PCSK1: variants seen among roughly 807,000 people sequenced by gnomAD.
PCSK1 encodes the protein neuroendocrine convertase 1.
In PCSK1, 56 loss-of-function variants were observed where a neutral mutation model predicts 90.6. The observed-to-expected ratio is 0.62, with a 90% CI of 0.50 to 0.77. The LOEUF is 0.77. Among genes scored for constraint, PCSK1 ranks in the 30% least tolerant of loss-of-function variants. The pLI, the probability that PCSK1 is intolerant of heterozygous loss-of-function variation, is 0.00. For missense variants in PCSK1, 801 were observed against 932.6 expected (o/e 0.86, Z 1.84); for synonymous variants, 348 against 342.4 (o/e 1.02, Z -0.18).
chr5:96,399,474 G>A (rs1760276839), intron 10 of PCSK1, among the ~76,000 whole-genome samples: 1 of 152,100 alleles, frequency 6.6e-6, no homozygotes, highest in Non-Finnish European at 1.5e-5. Context: ...GTGCTAGAGG[G>A]AGTCTAAGTA....
chr5:96,409,538 A>C (rs1304421398), intron 8 of PCSK1, among the ~76,000 whole-genome samples: 1 of 152,208 alleles, frequency 6.6e-6, no homozygotes, highest in African/African-American at 2.4e-5. Context: ...TTTCTTAAGG[A>C]GGGAGTTTTA....
chr5:96,407,631 A>G (rs896738679), intron 9 of PCSK1, among the ~76,000 whole-genome samples: 3 of 152,216 alleles, frequency 2.0e-5, no homozygotes, highest in Non-Finnish European at 4.4e-5. Flanking sequence ...GATGACAACT[A>G]ATATTTACTG....
At chr5:96,408,202 T>A in intron 9 of PCSK1, 21 bp downstream of exon 9, 1 of 1,565,756 alleles carries the variant, frequency 6.4e-7, no homozygotes, top group Non-Finnish European at 8.8e-7. Flanking sequence ...TAAAGGTGAT[T>A]AGAAGCTTTC....
chr5:96,422,966 G>A (rs1761174411), intron 4 of PCSK1, among the ~76,000 whole-genome samples: 1 of 150,874 alleles, frequency 6.6e-6, no homozygotes, highest in African/African-American at 2.5e-5. Flanking sequence ...GGGAAACTGT[G>A]ACAATGATCT....
chr5:96,432,017 T>C (rs1761518660), intron 1 of PCSK1: 2 of 1,163,908 alleles, frequency 1.7e-6, no homozygotes, highest in Non-Finnish European at 2.5e-6. Context: ...ACCAGCTACC[T>C]ATCGACCAAG....
chr5:96,432,962 C>T lies in PCSK1; in HGVS notation c.81G>A (p.Ala27=). 1 of 1,614,236 alleles carries T rather than the reference C, an allele frequency of 6.2e-7. No homozygotes were observed. The highest frequency in any genetic ancestry group is 8.5e-7 in the Non-Finnish European group (1 of 1,180,028). The change falls in exon 1 of 14, where the codon GCG becomes GCA. Residue 27 remains alanine (A), a synonymous_variant. Transcript: ENST00000311106. ...CAWCALNSAK[A]KRQFVNEWAA... ...CCCATTCATTGACAAATTGCCTTTT[C>T]GCTTTTGCACTGTTCAGTGCACACC...
At position 96,398,970 on chromosome 5, in the gene PCSK1, A is replaced by G. The variant is rs1580745990; in HGVS notation, c.1497T>C (p.Asn499=). 2 of 1,612,396 alleles carry G rather than the reference A, an allele frequency of 1.2e-6. No homozygotes were observed. ...IPTRACEGQE[N]AIKSLEHVQF... is the part of the protein sequence containing the mutation. ...GTACATGCTCCAGGGACTTGATAGC[A>G]TTTTCTTGTCCTTCACAAGCTCTTG... Residue 499 remains asparagine (N), a synonymous_variant, in exon 11 of 14, where the codon AAT becomes AAC. Coordinates refer to ENST00000311106, the MANE Select transcript of PCSK1 (RefSeq NM_000439.5).
chr5:96,432,009 C>G, intron 1 of PCSK1: 1 of 1,074,926 alleles, frequency 9.3e-7, no homozygotes, highest in Non-Finnish European at 1.4e-6. Context: ...CACCTCCAAC[C>G]AGCTACCTAT....
intron 3 of PCSK1, 92 bp downstream of exon 3, chr5:96,425,727 AT>A (rs1322070721): frequency 2.0e-5 from 13 of 658,976 alleles, no homozygotes; most frequent in African/African-American, 1.5e-4. Context: ...ATTCTCCATC[AT>A]AAAAAAAAAA....
At chr5:96,410,199 C>T (rs1490262250) in intron 8 of PCSK1, among the ~76,000 whole-genome samples, 8 of 152,062 alleles carry the variant, frequency 5.3e-5, no homozygotes, top group South Asian at 2.1e-4. Context: ...GAAGCAAAGG[C>T]GCAGGCAAGC....
chr5:96,405,594 C>T (rs570977626), intron 9 of PCSK1, among the ~76,000 whole-genome samples: 4 of 152,056 alleles, frequency 2.6e-5, no homozygotes, highest in South Asian at 2.1e-4. Flanking sequence ...TTTCTTGAAC[C>T]GGAGGGGTTG....
At chr5:96,416,954 C>T (rs1016019241) in intron 5 of PCSK1, among the ~76,000 whole-genome samples, 2 of 152,160 alleles carry the variant, frequency 1.3e-5, no homozygotes, top group East Asian at 1.9e-4. Context: ...GCCAACAAGC[C>T]AAAAGCACAT....
At position 96,398,903 on chromosome 5, in the gene PCSK1, GA is replaced by G. The variant is rs1423254983; in HGVS notation, c.1563del (p.His522MetfsTer43). ...CCAGCAGCAGAAGTAAGTGTGACAT[GA>G]AGGTCTCCTCTTCGGGAATATTCAA... ...ATIEYSRRGD[L>X]HVTLTSAAGT... On this transcript the variant is annotated frameshift_variant, in exon 11 of 14. Coordinates refer to ENST00000311106, the MANE Select transcript of PCSK1 (RefSeq NM_000439.5). LOFTEE classifies it high-confidence loss of function. 6.2e-7 allele frequency: 1 copy of G among 1,613,622 alleles called. No individual in the cohort carries two copies. The highest frequency in any genetic ancestry group is 1.1e-5 in the South Asian group (1 of 91,060).
chr5:96,407,343 T>C (rs1760607817), intron 9 of PCSK1, among the ~76,000 whole-genome samples: 1 of 152,178 alleles, frequency 6.6e-6, no homozygotes, highest in Non-Finnish European at 1.5e-5. Context: ...CTGAAGGGTA[T>C]GAAATATTGA....
In PCSK1 at chr5:96,397,484, C is replaced by G. The variant is rs760087947; in HGVS notation, c.1589-15G>C. 1 of 1,609,152 alleles carries G rather than the reference C, an allele frequency of 6.2e-7. No individual in the cohort carries two copies. The highest frequency in any genetic ancestry group is 8.5e-7 in the Non-Finnish European group (1 of 1,175,596). On this transcript the variant is annotated splice_polypyrimidine_tract_variant and intron_variant, in intron 11 of 13. Transcript: ENST00000311106. ...AGTGCTAGTTCCTATGAAACAAATA[C>G]AAGTTAATGAATGTCCTAATAGCTC...
chr5:96,416,002 G>A (rs1220386998), intron 6 of PCSK1, 31 bp downstream of exon 6: 1 of 1,374,402 alleles, frequency 7.3e-7, no homozygotes, highest in Non-Finnish European at 1.0e-6. Flanking sequence ...ACATTAAAAT[G>A]CCAAGCTATA....
intron 3 of PCSK1, among the ~76,000 whole-genome samples, chr5:96,424,961 CAA>C (rs58930420): frequency 1.1e-5 from 1 of 94,704 alleles, no homozygotes; most frequent in African/African-American, 4.3e-5. Context: ...AAAACTCTGT[CAA>C]AAAAAAAAAG....
chr5:96,393,027 C>T lies in PCSK1; in HGVS notation c.2236G>A (p.Val746Met), dbSNP rs529135368. ...TAATTTTCCTCATTCAGAATGTCCACCAGAGCTTGAAGCAGCCGGTCGTCT... is the reference window on the plus strand; with the variant it reads ...TAATTTTCCTCATTCAGAATGTCCATCAGAGCTTGAAGCAGCCGGTCGTCT... ...HRDDRLLQALVDILNEEN is the reference protein window; with the variant it reads ...HRDDRLLQALMDILNEEN The change falls in exon 14 of 14, where the codon GTG (valine) becomes ATG (methionine). Residue 746 changes from valine (V) to methionine (M), a missense_variant. Physicochemically the swap from Val to Met is conservative, Grantham distance 21 (BLOSUM62 1). Coordinates refer to ENST00000311106, the MANE Select transcript of PCSK1 (RefSeq NM_000439.5). 39 of 1,614,148 alleles carry T rather than the reference C, an allele frequency of 2.4e-5. No homozygotes were observed. Among genetic ancestry groups the T allele is most frequent in the African/African-American group, 2.3e-4 (17 of 75,028 alleles).
At chr5:96,400,422 C>CT (rs1760316317) in intron 9 of PCSK1, among the ~76,000 whole-genome samples, 1 of 152,186 alleles carries the variant, frequency 6.6e-6, no homozygotes, top group African/African-American at 2.4e-5. Context: ...AGCATATAAG[C>CT]TTTTACTATG....
Sources: allele counts gnomAD v4.1 joint callset (sites outside exome capture counted in the v4.1 genomes callset), GRCh38; gene constraint gnomAD v4.1.1; transcripts MANE v1.5; gene names NCBI Gene and HGNC (gene_info 2026-07-23, HGNC 2026-07-21).